PCDHA4: variants seen among roughly 807,000 people sequenced by gnomAD.
PCDHA4 encodes the protein protocadherin alpha 4.
Under a neutral mutation model 61.4 loss-of-function variants are expected in PCDHA4, and 49 were observed. The observed-to-expected ratio is 0.80, with a 90% CI of 0.63 to 1.01. The LOEUF (loss-of-function observed/expected upper bound fraction) is 1.01, where lower values mean the gene tolerates loss of function less well. PCDHA4 is among the 50% of genes least tolerant of loss of function. The pLI, the probability that PCDHA4 is intolerant of heterozygous loss-of-function variation, is 0.00. For missense variants in PCDHA4, 1,254 were observed against 1,235.8 expected (o/e 1.01, Z -0.22); for synonymous variants, 590 against 550.3 (o/e 1.07, Z -1.01).
At chr5:140,828,276 G>C (rs2150153517) in intron 1 of PCDHA4, 1 of 1,614,090 alleles carries the variant, frequency 6.2e-7, no homozygotes, top group South Asian at 1.1e-5. Context: ...CTGGTGCCGC[G>C]CCTGTTCAGG....
chr5:140,828,231 G>C (rs1554131117), intron 1 of PCDHA4: 7 of 1,613,882 alleles, frequency 4.3e-6, no homozygotes, highest in Non-Finnish European at 5.9e-6. Context: ...TTCGTGGGCC[G>C]GATCGCGCAG....
At chr5:140,970,893 T>C (rs568576965) in intron 1 of PCDHA4, among the ~76,000 whole-genome samples, 3 of 152,200 alleles carry the variant, frequency 2.0e-5, no homozygotes, top group Non-Finnish European at 4.4e-5. Context: ...CATGGACATT[T>C]CAGATAGATT....
chr5:140,835,093 A>T (rs2150230722), intron 1 of PCDHA4: 1 of 1,240,950 alleles, frequency 8.1e-7, no homozygotes, highest in East Asian at 2.6e-5. Context: ...GACAACAATG[A>T]CAATGCCCCA....
In PCDHA4 at chr5:140,836,004, G is replaced by T. The variant is rs1554135533; in HGVS notation, c.2385+26432G>T. On this transcript the variant is annotated intron_variant, in intron 1 of 3. Transcript: ENST00000530339. ...GTTCCAGGTGAGCGCGCGCGATGCG[G>T]GCGTGCCGCCTCTGGGCAGCAACGT... is the stretch of plus-strand genomic sequence containing the variant. 1.9e-6 allele frequency: 3 copies of T among 1,613,274 alleles called. No homozygotes were observed. The African/African-American group carries it at 4.0e-5, about 22-fold the overall frequency.
chr5:140,848,874 A>G (rs2040648635), intron 1 of PCDHA4: 2 of 1,590,884 alleles, frequency 1.3e-6, no homozygotes, highest in East Asian at 2.2e-5. Flanking sequence ...GAAGGACATT[A>G]ACGACAACCC....
At chr5:140,942,147 T>C (rs2093240437) in intron 1 of PCDHA4, among the ~76,000 whole-genome samples, 1 of 152,236 alleles carries the variant, frequency 6.6e-6, no homozygotes, top group Non-Finnish European at 1.5e-5. Flanking sequence ...TTACTTGACA[T>C]AAAACAGCTT....
At chr5:140,999,454 A>G (rs1467435215) in intron 3 of PCDHA4, among the ~76,000 whole-genome samples, 1 of 152,206 alleles carries the variant, frequency 6.6e-6, no homozygotes, top group African/African-American at 2.4e-5. Context: ...CGTTCAACGA[A>G]TAAGTGGTGA....
At chr5:140,909,344 C>T (rs900022411) in intron 1 of PCDHA4, among the ~76,000 whole-genome samples, 1 of 152,164 alleles carries the variant, frequency 6.6e-6, no homozygotes, top group Non-Finnish European at 1.5e-5. Context: ...TACCAGGTAC[C>T]AAGAGATGTG....
chr5:140,929,694 A>G, intron 1 of PCDHA4: 1 of 270,028 alleles, frequency 3.7e-6, no homozygotes, highest in Non-Finnish European at 7.3e-6. Flanking sequence ...AGTCTGCTTT[A>G]TATGAATATA....
At chr5:140,883,342 C>T in intron 1 of PCDHA4, 1 of 1,614,154 alleles carries the variant, frequency 6.2e-7, no homozygotes, top group Non-Finnish European at 8.5e-7. Flanking sequence ...TGTCACTCCC[C>T]ATCAGAGAAG....
chr5:140,967,595 G>A, intron 1 of PCDHA4: 1 of 1,614,168 alleles, frequency 6.2e-7, no homozygotes, highest in Non-Finnish European at 8.5e-7. Context: ...CACATTGGTG[G>A]TGAAGCTGAA....
Position 140,857,842 on chromosome 5 carries a change from T to C in PCDHA4, c.2385+48270T>C, listed in dbSNP as rs932363961. 33 of 1,597,726 alleles carry C rather than the reference T, an allele frequency of 2.1e-5. 1 individual carries two copies. Among genetic ancestry groups the C allele is most frequent in the Non-Finnish European group, 2.7e-5 (32 of 1,167,518 alleles). ...TGGCTAAGGTGCGCGCAGTGGACGCTGACTCTGGATACAACGCGTGGCTGT... is the reference window on the plus strand; with the variant it reads ...TGGCTAAGGTGCGCGCAGTGGACGCCGACTCTGGATACAACGCGTGGCTGT... On this transcript the variant is annotated intron_variant, in intron 1 of 3. Transcript: ENST00000530339.
intron 1 of PCDHA4, among the ~76,000 whole-genome samples, chr5:140,913,111 T>C (rs2076211610): frequency 6.6e-6 from 1 of 152,194 alleles, no homozygotes; most frequent in Non-Finnish European, 1.5e-5. Context: ...TAGAATCAGT[T>C]TGGAAGTTAA....
At chr5:140,849,694 C>A (rs2041050724) in intron 1 of PCDHA4, 1 of 1,598,594 alleles carries the variant, frequency 6.3e-7, no homozygotes, top group African/African-American at 1.3e-5. Flanking sequence ...CTGGTGTCCA[C>A]CTACAAGAAT....
At chr5:140,827,861 G>A in intron 1 of PCDHA4, 2 of 599,246 alleles carry the variant, frequency 3.3e-6, no homozygotes, top group Non-Finnish European at 5.8e-6. Flanking sequence ...AAAATATATG[G>A]TATAGCACTG....
At chr5:140,836,573 C>A (rs1247544483) in intron 1 of PCDHA4, 4 of 1,613,690 alleles carry the variant, frequency 2.5e-6, no homozygotes, top group South Asian at 2.2e-5. Context: ...CCTCTGAGGG[C>A]GCATGTAGTT....
chr5:140,851,664 A>G, intron 1 of PCDHA4: 1 of 913,742 alleles, frequency 1.1e-6, no homozygotes, highest in South Asian at 5.0e-5. Flanking sequence ...TTCTCCTTTT[A>G]ATTGAAATTT....
chr5:140,871,447 G>A, intron 1 of PCDHA4: 1 of 1,609,656 alleles, frequency 6.2e-7, no homozygotes, highest in Non-Finnish European at 8.5e-7. Context: ...TCTGAATAAA[G>A]AGGAGGAAGG....
chr5:140,807,563 A>G lies in PCDHA4; in HGVS notation c.376A>G (p.Ile126Val). ...VFHVDVEVRD[I>V]NDNPPVFPAT... ...CCATGTGGACGTGGAGGTGAGGGACATTAACGATAACCCGCCGGTGTTCCC... is the reference window on the plus strand; with the variant it reads ...CCATGTGGACGTGGAGGTGAGGGACGTTAACGATAACCCGCCGGTGTTCCC... Residue 126 changes from isoleucine to valine, a missense_variant, in exon 1 of 4, where the codon ATT becomes GTT. Transcript: ENST00000530339. The G allele has an allele frequency of 1.2e-6, 2 of 1,614,194 alleles. No individual in the cohort carries two copies. The highest frequency in any genetic ancestry group is 1.1e-5 in the South Asian group (1 of 91,088).
Sources: gnomAD v4.1 joint callset for allele counts (sites outside exome capture counted in the v4.1 genomes callset) on GRCh38, gnomAD v4.1.1 for gene constraint, MANE v1.5 for transcripts, NCBI Gene and HGNC (gene_info 2026-07-23, HGNC 2026-07-21) for gene names.